The following TSPAN6 variants were observed in gnomAD, a reference collection of about 807,000 sequenced individuals.
TSPAN6 encodes the protein tetraspanin 6.
Under a neutral mutation model 18.0 loss-of-function variants are expected in TSPAN6, and 13 were observed. That is an observed-to-expected ratio of 0.72 (90% CI 0.47 to 1.15). The LOEUF (loss-of-function observed/expected upper bound fraction) is 1.15. Among genes scored for constraint, TSPAN6 ranks in the 50% most tolerant of loss-of-function variants. The pLI is 0.00. For missense variants in TSPAN6, 186 were observed against 183.9 expected, an observed-to-expected ratio of 1.01 and a Z score of -0.07; for synonymous variants, 82 against 67.0, an observed-to-expected ratio of 1.22 and a Z score of -1.09.
rs777690938 is a variant in TSPAN6, at chrX:100,636,706, G to A, written c.-12C>T. The stretch of plus-strand genomic sequence containing the variant: ...GACGGGGACGCCATGACTAGCCCGA[G>A]ACCCTGCACCACCGCACCGGGCGAT... On this transcript the variant is annotated 5_prime_UTR_variant, in exon 1 of 8. Coordinates refer to ENST00000373020, the MANE Select transcript of TSPAN6 (RefSeq NM_003270.4). 2 of 1,194,029 alleles carry A rather than the reference G, an allele frequency of 1.7e-6. No homozygotes were observed. The highest frequency in any genetic ancestry group is 3.5e-5 in the African/African-American group (2 of 56,709).
rs1454320613 is a variant in TSPAN6 at position 100,628,639 on chromosome X, T to G, written c.*1387A>C. On this transcript the variant is annotated 3_prime_UTR_variant, in exon 8 of 8. Coordinates refer to ENST00000373020, the MANE Select transcript of TSPAN6 (RefSeq NM_003270.4). Reference sequence around the variant, plus strand: ...CATCCCTCCCTGTACAACTTTTTAATGCAAACTATACAATCAAAAAAGTCT... The same window carrying G: ...CATCCCTCCCTGTACAACTTTTTAAGGCAAACTATACAATCAAAAAAGTCT... 1.8e-5 allele frequency: 2 copies of G among 112,527 alleles called. No individual in the cohort carries two copies. The highest frequency in any genetic ancestry group is 3.7e-5 in the Non-Finnish European group (2 of 53,343). The allele number at this position is 112,527 out of a possible 1,213,427, so 9.3% of individuals were successfully genotyped here.
chrX:100,636,526 G>A (rs2083096910), intron 1 of TSPAN6, 82 bp downstream of exon 1: 2 of 1,099,585 alleles, frequency 1.8e-6, no homozygotes, highest in East Asian at 3.5e-5. Flanking sequence ...TTCCCGACCT[G>A]AGCTCCCGCC....
chrX:100,635,584 G>A lies in TSPAN6; in HGVS notation c.250C>T (p.Arg84Ter). The A allele has an allele frequency of 1.7e-6, 2 of 1,197,141 alleles. No homozygotes were observed. Among genetic ancestry groups the A allele is most frequent in the Non-Finnish European group, 2.3e-6 (2 of 886,660 alleles). Residue 84 changes from arginine to a stop codon, truncating the protein, a stop_gained, in exon 2 of 8, where the codon CGA (arginine) becomes TGA (stop). Transcript: ENST00000373020. LOFTEE classifies it high-confidence loss of function. ...AGTTTTAGCATCCATGCAGAAGCTC[G>A]GCAGGTAGCAAAACAACCAAAGGTG... ...LGTFGCFATC[R>*]ASAWMLKLYA...
At chrX:100,637,088 C>T (rs774324086), upstream of TSPAN6, 49 of 100,314 alleles carry the variant, frequency 4.9e-4, no homozygotes, top group Non-Finnish European at 5.1e-4. Context: ...GATTGGGCCT[C>T]CCTGGCCCCT....
Position 100,628,586 on chromosome X carries a change from T to G in TSPAN6, c.*1440A>C, listed in dbSNP as rs147790856. On this transcript the variant is annotated 3_prime_UTR_variant, in exon 8 of 8. Coordinates refer to ENST00000373020, the MANE Select transcript of TSPAN6 (RefSeq NM_003270.4). ...AGTAATTATTATTTTCCTTATTAAT[T>G]TCCCTATTATCCTGAAGATACAGGT... The G allele has an allele frequency of 2.9e-3, 329 of 112,067 alleles. 3 individuals are homozygous for G. Among genetic ancestry groups the G allele is most frequent in the African/African-American group, 0.01 (322 of 30,923 alleles). The allele number at this position is 112,067 out of a possible 1,213,427, so 9.2% of individuals were successfully genotyped here. A position where few individuals can be genotyped will look rare whatever the true frequency, so the allele number is the denominator to read the frequency against.
rs1358793272 is a variant in TSPAN6, at chrX:100,628,121, CT to C, written c.*1904del. On this transcript the variant is annotated 3_prime_UTR_variant, in exon 8 of 8. Coordinates refer to ENST00000373020, the MANE Select transcript of TSPAN6 (RefSeq NM_003270.4). ...GCCACCATGGCTGGCTGAGGGAAAA[CT>C]TTTTTAAAAACTCTAAATATAACCT... 9.0e-6 allele frequency: 1 copy of C among 111,697 alleles called. No homozygotes were observed. The highest frequency in any genetic ancestry group is 1.9e-5 in the Non-Finnish European group (1 of 53,157). 9.2% of individuals were successfully genotyped at this position (111,697 alleles called of 1,213,427 possible).
At position 100,633,542 on chromosome X, in the gene TSPAN6, G is replaced by GA; in HGVS notation, c.451-4dup. On this transcript the variant is annotated splice_region_variant and splice_polypyrimidine_tract_variant and intron_variant, in intron 4 of 7. Transcript: ENST00000373020. Reference sequence around the variant, plus strand: ...TCGGTGACACCACAACAATGCAACTGAAAAACCCAACAAAAGCATTTACAG... The same window carrying GA: ...TCGGTGACACCACAACAATGCAACTGAAAAAACCCAACAAAAGCATTTACAG... The GA allele has an allele frequency of 8.5e-7, 1 of 1,183,114 alleles. No homozygotes were observed. Among genetic ancestry groups the GA allele is most frequent in the Non-Finnish European group, 1.1e-6 (1 of 884,535 alleles).
At chrX:100,633,302 GA>G in intron 5 of TSPAN6, 102 bp downstream of exon 5, 1 of 863,579 alleles carries the variant, frequency 1.2e-6, no homozygotes, top group Non-Finnish European at 1.6e-6. Context: ...CTGGGCGACA[GA>G]GCAAGACTCT....
intron 7 of TSPAN6, among the ~76,000 whole-genome samples, chrX:100,630,474 T>A (rs1190405950): frequency 8.9e-6 from 1 of 111,954 alleles, no homozygotes; most frequent in Non-Finnish European, 1.9e-5. Flanking sequence ...GGACCACTTA[T>A]GATCTTTAGG....
In TSPAN6 at chrX:100,630,984, G is replaced by A; in HGVS notation, c.670-118C>T. 3 of 551,209 alleles carry A rather than the reference G, an allele frequency of 5.4e-6. 1 individual carries two copies. The highest frequency in any genetic ancestry group is 9.2e-6 in the Non-Finnish European group (3 of 326,353). 45.4% of individuals were successfully genotyped at this position (551,209 alleles called of 1,213,427 possible). On this transcript the variant is annotated intron_variant, in intron 6 of 7. Coordinates refer to ENST00000373020, the MANE Select transcript of TSPAN6 (RefSeq NM_003270.4). ...ATTTTCGTCCTTGAGTTTTTCTAGA[G>A]TTATGTTTAATACTCTGCAGCATCT... is the stretch of plus-strand genomic sequence containing the variant.
chrX:100,633,765 A>T (rs974070845), intron 4 of TSPAN6, among the ~76,000 whole-genome samples, 166 bp downstream of exon 4: 3 of 108,477 alleles, frequency 2.8e-5, no homozygotes, highest in Non-Finnish European at 5.7e-5. Flanking sequence ...CTGTACCTGG[A>T]CTATGATGTA....
Position 100,636,634 on chromosome X carries a change from G to C in TSPAN6, c.61C>G (p.Leu21Val). The change falls in exon 1 of 8, where the codon CTG becomes GTG. Residue 21 changes from leucine to valine, a missense_variant. Leu to Val is a conservative substitution (Grantham distance 32). Transcript: ENST00000373020. ...KPVITCFKSV[L>V]LIYTFIFWIT... ...CAGAAAATAAAAGTGTAGATTAGCA[G>C]AACGCTCTTGAAACAAGTAATGACT... 23 of 1,206,310 alleles carry C rather than the reference G, an allele frequency of 1.9e-5. No individual in the cohort carries two copies. The highest frequency in any genetic ancestry group is 2.6e-5 in the Non-Finnish European group (23 of 892,976).
At chrX:100,631,267 T>C (rs1183630385) in intron 6 of TSPAN6, among the ~76,000 whole-genome samples, 1 of 112,395 alleles carries the variant, frequency 8.9e-6, no homozygotes, top group Non-Finnish European at 1.9e-5. Context: ...AATGAAAATG[T>C]TCTAGAATCC....
intron 3 of TSPAN6, among the ~76,000 whole-genome samples, chrX:100,634,520 C>G (rs1317800405): frequency 9.1e-6 from 1 of 109,565 alleles, no homozygotes; most frequent in Non-Finnish European, 1.9e-5. Flanking sequence ...GAGATGGAGT[C>G]TCGCTCTGCT....
In TSPAN6 at chrX:100,633,954, C is replaced by T. The variant is rs2083077080; in HGVS notation, c.427G>A (p.Ala143Thr). Reference protein sequence around the residue: ...YNSTGDYRSHAVDKIQNTLHC... With the variant: ...YNSTGDYRSHTVDKIQNTLHC... ...ACCGTATTTTGGATCTTGTCTACTG[C>T]ATGGCTTCTATAATCTCCTGTAGAG... is the stretch of plus-strand genomic sequence containing the variant. Residue 143 changes from alanine to threonine, a missense_variant, in exon 4 of 8, where the codon GCA becomes ACA. Physicochemically the swap from Ala to Thr is moderately conservative, Grantham distance 58. Transcript: ENST00000373020. 8.3e-7 allele frequency: 1 copy of T among 1,202,996 alleles called. No homozygotes were observed. Among genetic ancestry groups the T allele is most frequent in the Non-Finnish European group, 1.1e-6 (1 of 889,469 alleles).
rs1049620497 is a variant in TSPAN6 at position 100,627,873 on chromosome X, G to A, written c.*2153C>T. 1 of 108,685 alleles carries A rather than the reference G, an allele frequency of 9.2e-6. No individual in the cohort carries two copies. Among genetic ancestry groups the A allele is most frequent in the African/African-American group, 3.4e-5 (1 of 29,669 alleles). 9.0% of individuals were successfully genotyped at this position (108,685 alleles called of 1,213,427 possible). A position where few individuals can be genotyped will look rare whatever the true frequency, so the allele number is the denominator to read the frequency against. ...ATCGCCCAGGCTGGAGTGCAGTGGT[G>A]TGATCTCGGCTCACTGCAACCTCTG... On this transcript the variant is annotated 3_prime_UTR_variant, in exon 8 of 8. Coordinates refer to ENST00000373020, the MANE Select transcript of TSPAN6 (RefSeq NM_003270.4).
In TSPAN6 at chrX:100,636,695, G is replaced by A. The variant is rs2083099006; in HGVS notation, c.-1C>T. ...GCAGTCTCCGAGACGGGGACGCCATGACTAGCCCGAGACCCTGCACCACCG... is the reference window on the plus strand; with the variant it reads ...GCAGTCTCCGAGACGGGGACGCCATAACTAGCCCGAGACCCTGCACCACCG... On this transcript the variant is annotated 5_prime_UTR_variant, in exon 1 of 8. Coordinates refer to ENST00000373020, the MANE Select transcript of TSPAN6 (RefSeq NM_003270.4). 1 of 1,201,163 alleles carries A rather than the reference G, an allele frequency of 8.3e-7. No homozygotes were observed. Among genetic ancestry groups the A allele is most frequent in the Non-Finnish European group, 1.1e-6 (1 of 890,221 alleles).
Position 100,628,693 on chromosome X carries a change from T to C in TSPAN6, c.*1333A>G, listed in dbSNP as rs1308672002. 8.9e-6 allele frequency: 1 copy of C among 112,336 alleles called. No homozygotes were observed. Among genetic ancestry groups the C allele is most frequent in the Non-Finnish European group, 1.9e-5 (1 of 53,328 alleles). 9.3% of individuals were successfully genotyped at this position (112,336 alleles called of 1,213,427 possible). A position where few individuals can be genotyped will look rare whatever the true frequency, so the allele number is the denominator to read the frequency against. On this transcript the variant is annotated 3_prime_UTR_variant, in exon 8 of 8. Coordinates refer to ENST00000373020, the MANE Select transcript of TSPAN6 (RefSeq NM_003270.4). ...CTCTAGGAGAACACTAGTCATATGC[T>C]ACTTTATAACATGGAATATAATTTT... is the stretch of plus-strand genomic sequence containing the variant.
chrX:100,636,665 A>G lies in TSPAN6; in HGVS notation c.30T>C (p.Thr10=), dbSNP rs2083098294. The G allele has an allele frequency of 1.7e-6, 2 of 1,205,589 alleles. No homozygotes were observed. The highest frequency in any genetic ancestry group is 3.0e-5 in the East Asian group (1 of 33,576). ...TCTTGAAACAAGTAATGACTGGTTT[A>G]GTCTGCAGTCTCCGAGACGGGGACG... MASPSRRLQ[T]KPVITCFKSV... Residue 10 remains threonine, a synonymous_variant, in exon 1 of 8, where the codon ACT becomes ACC. Transcript: ENST00000373020.
Sources: gnomAD v4.1 joint callset for allele counts (sites outside exome capture counted in the v4.1 genomes callset) on GRCh38, gnomAD v4.1.1 for gene constraint, MANE v1.5 for transcripts, NCBI Gene and HGNC (gene_info 2026-07-23, HGNC 2026-07-21) for gene names.